Variants in NRG1 observed in about 807,000 individuals in gnomAD.
NRG1 encodes the protein pro-neuregulin-1, membrane-bound isoform.
In NRG1, 18 loss-of-function variants were observed where a neutral mutation model predicts 63.8. The observed-to-expected ratio is 0.28, with a 90% CI of 0.19 to 0.42. The LOEUF is 0.42. NRG1 is among the 10% of genes least tolerant of loss of function. NRG1 has a pLI of 1.00. For synonymous variants in NRG1, 302 were observed against 301.3 expected (o/e 1.00, Z -0.02); for missense variants, 762 against 814.7 (o/e 0.94, Z 0.79).
At chr8:31,865,514 G>T (rs1828875130) in intron 1 of NRG1, among the ~76,000 whole-genome samples, 1 of 152,048 alleles carries the variant, frequency 6.6e-6, no homozygotes. Flanking sequence ...TCATGGGAGA[G>T]ACCTTGTAGG....
At chr8:32,547,806 C>T (rs543284849), upstream of NRG1, among the ~76,000 whole-genome samples, 40 of 152,320 alleles carry the variant, frequency 2.6e-4, no homozygotes, top group African/African-American at 8.4e-4. Context: ...CCGAACTCTT[C>T]TGGGAAAGCC....
intron 1 of NRG1, among the ~76,000 whole-genome samples, chr8:32,500,980 G>C (rs985451314): frequency 2.6e-5 from 4 of 152,114 alleles, no homozygotes; most frequent in Non-Finnish European, 4.4e-5. Flanking sequence ...TTATAATCTT[G>C]AAGTTATTTA....
intron 1 of NRG1, among the ~76,000 whole-genome samples, chr8:31,783,753 A>G (rs988869316): frequency 1.8e-4 from 28 of 152,192 alleles, no homozygotes; most frequent in African/African-American, 6.5e-4. Context: ...GATGTTTTAT[A>G]TTAAATGGTC....
chr8:31,955,489 G>C (rs1804213942), intron 1 of NRG1, among the ~76,000 whole-genome samples: 1 of 152,200 alleles, frequency 6.6e-6, no homozygotes, highest in South Asian at 2.1e-4. Flanking sequence ...CTCTACTTGG[G>C]AATGGGCTGA....
chr8:31,960,805 G>A (rs1216707843), intron 1 of NRG1, among the ~76,000 whole-genome samples: 1 of 152,142 alleles, frequency 6.6e-6, no homozygotes, highest in Non-Finnish European at 1.5e-5. Flanking sequence ...ACATAAAATG[G>A]CACTAATCCA....
At chr8:32,293,959 C>T (rs1218355314) in intron 1 of NRG1, among the ~76,000 whole-genome samples, 2 of 152,068 alleles carry the variant, frequency 1.3e-5, no homozygotes, top group Admixed American at 6.6e-5. Context: ...CTCAGGTTAT[C>T]AGCCCACCTG....
At chr8:31,775,487 A>G (rs1586320182) in intron 1 of NRG1, among the ~76,000 whole-genome samples, 1 of 152,206 alleles carries the variant, frequency 6.6e-6, no homozygotes, top group South Asian at 2.1e-4. Flanking sequence ...CATAGTATGT[A>G]CAGTGTTCGC....
intron 1 of NRG1, among the ~76,000 whole-genome samples, chr8:31,912,566 C>CTTTTT (rs3052846): frequency 1.1e-4 from 12 of 105,616 alleles, no homozygotes; most frequent in African/African-American, 1.4e-4. Flanking sequence ...TTTAGAAATG[C>CTTTTT]TTTTTTTTTT....
intron 5 of NRG1, among the ~76,000 whole-genome samples, chr8:32,701,513 T>A (rs1814882661): frequency 6.6e-6 from 1 of 152,296 alleles, no homozygotes; most frequent in Middle Eastern, 3.4e-3. Context: ...AGGTGATTTT[T>A]AAATATTAAC....
At chr8:32,418,693 C>G (rs191003851) in intron 1 of NRG1, among the ~76,000 whole-genome samples, 52 of 152,168 alleles carry the variant, frequency 3.4e-4, no homozygotes, top group African/African-American at 9.9e-4. Context: ...GTAATATACA[C>G]CTACAAATAA....
intron 1 of NRG1, among the ~76,000 whole-genome samples, chr8:31,841,811 C>CT (rs933365553): frequency 3.3e-5 from 5 of 152,266 alleles, no homozygotes; most frequent in Admixed American, 6.5e-5. Context: ...CCCTTCCTTA[C>CT]TTTTTTTACA....
intron 1 of NRG1, among the ~76,000 whole-genome samples, chr8:32,048,960 A>T (rs947919209): frequency 2.6e-5 from 4 of 151,984 alleles, no homozygotes; most frequent in Non-Finnish European, 4.4e-5. Flanking sequence ...TGGAAAGCCT[A>T]AAAAAAGAGC....
At chr8:32,416,285 C>G (rs922016849) in intron 1 of NRG1, among the ~76,000 whole-genome samples, 2 of 151,464 alleles carry the variant, frequency 1.3e-5, no homozygotes, top group African/African-American at 4.9e-5. Context: ...CCTTCCTTCC[C>G]CGCTTTCACC....
intron 7 of NRG1, chr8:32,749,014 G>A (rs1263346157): frequency 1.1e-5 from 2 of 178,500 alleles, no homozygotes; most frequent in South Asian, 2.1e-4. Flanking sequence ...AAGTATTTGA[G>A]GCCAGCTACC....
At chr8:32,721,730 G>T in intron 5 of NRG1, 2 of 754,936 alleles carry the variant, frequency 2.6e-6, no homozygotes, top group Middle Eastern at 4.7e-4. Context: ...GAATGACAAG[G>T]CTTCCGTGGT....
At position 31,838,104 on chromosome 8, in the gene NRG1, C is replaced by G. The variant is rs1254756810; in HGVS notation, c.37+198673C>G. ...TTCCCACGAGCAGTGTATAGGAGTTCCCTTTCCTTTACATCCTCGCCAGCA... is the reference window on the plus strand; with the variant it reads ...TTCCCACGAGCAGTGTATAGGAGTTGCCTTTCCTTTACATCCTCGCCAGCA... On this transcript the variant is annotated intron_variant, in intron 1 of 10. Transcript: ENST00000519301. 2.6e-5 allele frequency among the ~76,000 whole-genome samples: 4 copies of G among 151,972 alleles called. No individual in the cohort carries two copies. In the East Asian group the frequency reaches 7.7e-4, roughly 29 times the overall value.
intron 1 of NRG1, among the ~76,000 whole-genome samples, chr8:32,395,848 A>T (rs548717680): frequency 2.5e-3 from 373 of 152,188 alleles, no homozygotes; most frequent in African/African-American, 8.7e-3. Context: ...TTTTCTAGGC[A>T]TGTTATGGTT....
intron 1 of NRG1, among the ~76,000 whole-genome samples, chr8:32,578,812 G>A (rs1278353021): frequency 6.6e-6 from 1 of 152,166 alleles, no homozygotes; most frequent in Non-Finnish European, 1.5e-5. Context: ...AGTAATGCAA[G>A]AAATATCTTT....
intron 5 of NRG1, among the ~76,000 whole-genome samples, chr8:32,676,735 G>A (rs747525551): frequency 6.6e-6 from 1 of 152,114 alleles, no homozygotes; most frequent in Non-Finnish European, 1.5e-5. Flanking sequence ...TGGTGCCTGG[G>A]GAATGTCTAG....
Sources: allele counts gnomAD v4.1 joint callset (sites outside exome capture counted in the v4.1 genomes callset), GRCh38; gene constraint gnomAD v4.1.1; transcripts MANE v1.5; gene names NCBI Gene and HGNC (gene_info 2026-07-23, HGNC 2026-07-21).